Variants in TDRD9 observed in about 807,000 individuals in gnomAD.
The protein encoded by TDRD9 is ATP-dependent RNA helicase TDRD9.
In TDRD9, 124 loss-of-function variants were observed where a neutral mutation model predicts 172.6. The observed-to-expected ratio is 0.72, with a 90% CI of 0.62 to 0.83. The LOEUF (loss-of-function observed/expected upper bound fraction) is 0.83, where lower values mean the gene tolerates loss of function less well. Among genes scored for constraint, TDRD9 ranks in the 40% least tolerant of loss-of-function variants. The probability of loss-of-function intolerance (pLI) is 0.00; values close to 1 mark genes in which losing one functional copy is unlikely to be tolerated. For synonymous variants in TDRD9, 619 were observed against 617.1 expected, an observed-to-expected ratio of 1.00 and a Z score of -0.05; for missense variants, 1,479 against 1,714.1, an observed-to-expected ratio of 0.86 and a Z score of 2.42.
intron 1 of TDRD9, among the ~76,000 whole-genome samples, chr14:103,952,172 A>ATG (rs2031917034): frequency 1.7e-5 from 2 of 117,282 alleles, no homozygotes; most frequent in South Asian, 3.0e-4. Context: ...ATGTGTATAT[A>ATG]TGTGTGTGCG....
At chr14:103,998,254 A>G (rs1022226597) in intron 12 of TDRD9, among the ~76,000 whole-genome samples, 1 of 145,214 alleles carries the variant, frequency 6.9e-6, no homozygotes, top group South Asian at 2.3e-4. Flanking sequence ...CCACAGGCAC[A>G]CACAGACGCG....
intron 9 of TDRD9, among the ~76,000 whole-genome samples, chr14:103,993,378 A>G (rs1468944130): frequency 6.6e-6 from 1 of 152,158 alleles, no homozygotes; most frequent in Middle Eastern, 3.2e-3. Context: ...TCCTTTTAAT[A>G]TGTTCATGTG....
intron 1 of TDRD9, chr14:103,940,940 C>T: frequency 6.5e-7 from 1 of 1,535,424 alleles, no homozygotes; most frequent in Non-Finnish European, 8.7e-7. Flanking sequence ...GAGCTGTCAC[C>T]TTGGATCACA....
intron 31 of TDRD9, 71 bp from the exon 32 acceptor site, chr14:104,034,889 G>A (rs376413950): frequency 1.8e-5 from 21 of 1,199,420 alleles, no homozygotes; most frequent in Non-Finnish European, 2.4e-5. Flanking sequence ...GAGTAGGAGC[G>A]GGCCGGGAGG....
At chr14:103,977,172 G>A (rs2152171101) in intron 7 of TDRD9, among the ~76,000 whole-genome samples, 1 of 152,060 alleles carries the variant, frequency 6.6e-6, no homozygotes, top group Middle Eastern at 3.4e-3. Flanking sequence ...AGTCTTTTCA[G>A]CTCACTTATT....
intron 15 of TDRD9, 53 bp from the exon 16 acceptor site, chr14:104,006,336 A>G: frequency 1.3e-6 from 2 of 1,483,588 alleles, no homozygotes. Flanking sequence ...CTTAAGGGGA[A>G]GAAGTATGAG....
intron 1 of TDRD9, among the ~76,000 whole-genome samples, chr14:103,949,179 T>C (rs2031729567): frequency 6.6e-6 from 1 of 152,212 alleles, no homozygotes; most frequent in Non-Finnish European, 1.5e-5. Context: ...GTTGAAAGAA[T>C]TGTGAATAGC....
chr14:104,017,425 A>G (rs1242247993), intron 22 of TDRD9, among the ~76,000 whole-genome samples: 1 of 152,202 alleles, frequency 6.6e-6, no homozygotes, highest in Non-Finnish European at 1.5e-5. Flanking sequence ...GTTGGGTCTC[A>G]GGGTAACTCT....
intron 8 of TDRD9, among the ~76,000 whole-genome samples, chr14:103,987,781 G>A (rs1394161837): frequency 6.6e-6 from 1 of 152,140 alleles, no homozygotes; most frequent in Non-Finnish European, 1.5e-5. Flanking sequence ...TTACCATATT[G>A]TTCAGGTCTT....
intron 1 of TDRD9, among the ~76,000 whole-genome samples, chr14:103,949,528 T>C (rs1225697960): frequency 6.6e-6 from 1 of 152,230 alleles, no homozygotes; most frequent in African/African-American, 2.4e-5. Context: ...AACAATTTCA[T>C]GTATGTTCTT....
chr14:103,948,928 C>T (rs1216239172), intron 1 of TDRD9, among the ~76,000 whole-genome samples: 1 of 149,836 alleles, frequency 6.7e-6, no homozygotes, highest in Non-Finnish European at 1.5e-5. Flanking sequence ...GACAAATACT[C>T]TGTGATTCCA....
At chr14:103,956,100 AAAAAAAAAAAAATATATATATATAT>A (rs1382187039) in intron 2 of TDRD9, among the ~76,000 whole-genome samples, 1 of 55,522 alleles carries the variant, frequency 1.8e-5, no homozygotes, top group African/African-American at 7.3e-5. Context: ...AAAAAAAAAA[AAAAAAAAAAAAATATATATATATAT>A]ATATATATAT....
At chr14:104,045,462 G>T (rs2035744411) in intron 34 of TDRD9, among the ~76,000 whole-genome samples, 1 of 130,206 alleles carries the variant, frequency 7.7e-6, no homozygotes, top group Non-Finnish European at 1.6e-5. Flanking sequence ...TTTCATTATT[G>T]AGTTGTAGAA....
rs532865336 is a variant in TDRD9 at position 103,986,331 on chromosome 14, C to T, written c.1115+11C>T. ...TATGAAGGAGAGTGGGTAAGAGATACTTCAGTTGGTAATGCACTTTAATGT... is the reference window on the plus strand; with the variant it reads ...TATGAAGGAGAGTGGGTAAGAGATATTTCAGTTGGTAATGCACTTTAATGT... On this transcript the variant is annotated intron_variant, in intron 8 of 35. Coordinates refer to ENST00000409874, the MANE Select transcript of TDRD9 (RefSeq NM_153046.3). 1.3e-6 allele frequency: 2 copies of T among 1,572,862 alleles called. No homozygotes were observed. The highest frequency in any genetic ancestry group is 1.4e-5 in the African/African-American group (1 of 73,758).
intron 23 of TDRD9, among the ~76,000 whole-genome samples, chr14:104,020,447 A>G (rs2034919656): frequency 6.6e-6 from 1 of 152,184 alleles, no homozygotes; most frequent in East Asian, 1.9e-4. Context: ...TCCAGCCTGG[A>G]TGCTGGGGAG....
At chr14:103,969,226 A>G (rs2032913509) in intron 5 of TDRD9, among the ~76,000 whole-genome samples, 1 of 145,738 alleles carries the variant, frequency 6.9e-6, no homozygotes, top group African/African-American at 2.6e-5. Context: ...GGCTGAGGTT[A>G]TAAAGATGAG....
chr14:103,956,593 A>G (rs915351468), intron 2 of TDRD9, among the ~76,000 whole-genome samples: 1 of 152,158 alleles, frequency 6.6e-6, no homozygotes, highest in Non-Finnish European at 1.5e-5. Flanking sequence ...GTGAGCTGAG[A>G]TCATCCTAAA....
At chr14:103,938,410 GTGTGTATATA>G (rs1156272366) in intron 1 of TDRD9, among the ~76,000 whole-genome samples, 2 of 73,294 alleles carry the variant, frequency 2.7e-5, no homozygotes, top group African/African-American at 5.7e-5. Flanking sequence ...GTGTGTGTGT[GTGTGTATATA>G]TATATATATA....
chr14:104,030,754 C>A lies in TDRD9; in HGVS notation c.3283-354C>A, dbSNP rs113377612. On this transcript the variant is annotated intron_variant, in intron 28 of 35. Coordinates refer to ENST00000409874, the MANE Select transcript of TDRD9 (RefSeq NM_153046.3). ...CAAAAAACCAAACACCGCATGTTCT[C>A]ACTCATAGGTGGGAATTGAACAATG... Among the ~76,000 whole-genome samples, 774 of 152,228 alleles carry A rather than the reference C, an allele frequency of 5.1e-3. 11 individuals carry two copies. Among genetic ancestry groups the A allele is most frequent in the African/African-American group, 0.018 (749 of 41,524 alleles).
Sources: allele counts gnomAD v4.1 joint callset (sites outside exome capture counted in the v4.1 genomes callset), GRCh38; gene constraint gnomAD v4.1.1; transcripts MANE v1.5; gene names NCBI Gene and HGNC (gene_info 2026-07-23, HGNC 2026-07-21).